The following INO80B variants were observed in gnomAD, a reference collection of about 807,000 sequenced individuals.
The protein encoded by INO80B is INO80 complex subunit B, also known as IES2 homolog.
In INO80B, 18 loss-of-function variants were observed where a neutral mutation model predicts 31.4. That is an observed-to-expected ratio of 0.57 (90% CI 0.40 to 0.85). INO80B has a LOEUF of 0.85. Ranked by LOEUF, INO80B falls within the 40% of genes least tolerant of loss-of-function variation. INO80B has a pLI of 0.00. For synonymous variants in INO80B, 238 were observed against 199.0 expected (o/e 1.20, Z -1.65); for missense variants, 469 against 475.4 (o/e 0.99, Z 0.13).
intron 2 of INO80B, 56 bp from the exon 3 acceptor site, chr2:74,455,762 G>A: frequency 2.8e-6 from 4 of 1,424,424 alleles, no homozygotes; most frequent in South Asian, 1.2e-5. Flanking sequence ...GTGTAGCTAC[G>A]GAGTAGGAGG....
intron 4 of INO80B, among the ~76,000 whole-genome samples, chr2:74,456,639 G>A (rs1047278700): frequency 2.0e-5 from 3 of 152,216 alleles, no homozygotes; most frequent in African/African-American, 7.2e-5. Context: ...CAGACCTTGA[G>A]ACTGGAACAT....
At chr2:74,456,309 A>G (rs755722158) in intron 4 of INO80B, 37 bp downstream of exon 4, 1 of 1,609,534 alleles carries the variant, frequency 6.2e-7, no homozygotes, top group Non-Finnish European at 8.5e-7. Flanking sequence ...CACCAAATGT[A>G]TACAGTATTG....
chr2:74,456,714 C>T (rs1450540662), intron 4 of INO80B, among the ~76,000 whole-genome samples: 1 of 152,234 alleles, frequency 6.6e-6, no homozygotes, highest in African/African-American at 2.4e-5. Flanking sequence ...AAGTGACATA[C>T]TTGGTTTACA....
chr2:74,457,887 C>A lies in INO80B; in HGVS notation c.*23C>A. 1 of 1,508,280 alleles carries A rather than the reference C, an allele frequency of 6.6e-7. No homozygotes were observed. Among genetic ancestry groups the A allele is most frequent in the Non-Finnish European group, 8.8e-7 (1 of 1,134,934 alleles). The allele number at this position is 1,508,280 out of a possible 1,614,324, so 93.4% of individuals were successfully genotyped here. A position where few individuals can be genotyped will look rare whatever the true frequency, so the allele number is the denominator to read the frequency against. On this transcript the variant is annotated 3_prime_UTR_variant, in exon 5 of 5. Coordinates refer to ENST00000233331, the MANE Select transcript of INO80B (RefSeq NM_031288.4). ...TAAGGCCCTTAACCCGGACTCTGCG[C>A]CCCGTCCCATGCCCGCTCTTGAGTA...
chr2:74,456,713 A>G (rs1296519085), intron 4 of INO80B, among the ~76,000 whole-genome samples: 1 of 152,258 alleles, frequency 6.6e-6, no homozygotes, highest in Non-Finnish European at 1.5e-5. Context: ...GAAGTGACAT[A>G]CTTGGTTTAC....
Position 74,457,390 on chromosome 2 carries a change from A to G in INO80B, c.597A>G (p.Val199=), listed in dbSNP as rs2103962691. 1 of 1,607,932 alleles carries G rather than the reference A, an allele frequency of 6.2e-7. No individual in the cohort carries two copies. The highest frequency in any genetic ancestry group is 1.1e-5 in the South Asian group (1 of 89,994). The change falls in exon 5 of 5, where the codon GTA becomes GTG. Residue 199 remains valine (V), a synonymous_variant. Coordinates refer to ENST00000233331, the MANE Select transcript of INO80B (RefSeq NM_031288.4). ...SQPSPMLPLP[V]AEGCPPPALT... ...CTTCCCCTATGCTGCCGCTGCCTGTAGCTGAGGGCTGCCCACCTCCCGCCC... is the reference window on the plus strand; with the variant it reads ...CTTCCCCTATGCTGCCGCTGCCTGTGGCTGAGGGCTGCCCACCTCCCGCCC...
At chr2:74,456,908 G>A (rs1256202489) in intron 4 of INO80B, among the ~76,000 whole-genome samples, 1 of 152,232 alleles carries the variant, frequency 6.6e-6, no homozygotes, top group Non-Finnish European at 1.5e-5. Context: ...TTTGGAAGTA[G>A]ATACTTGTGG....
rs762632945 is a variant in INO80B, at chr2:74,455,577, G to T, written c.230G>T (p.Gly77Val). The change falls in exon 2 of 5, where the codon GGA (glycine) becomes GTA (valine). Residue 77 changes from glycine to valine, a missense_variant. By Grantham distance (109) the Gly-to-Val change is moderately radical. Transcript: ENST00000233331. ...CTCAAACTCAAAATCAAGCTTGGGG[G>T]ACAAGTCCTGGGGACCAAGAGGTGA... ...PQLKLKIKLG[G>V]QVLGTKSVPT... The T allele has an allele frequency of 1.2e-6, 2 of 1,613,142 alleles. No individual in the cohort carries two copies. Among genetic ancestry groups the T allele is most frequent in the African/African-American group, 1.3e-5 (1 of 74,820 alleles).
chr2:74,457,734 G>T lies in INO80B; in HGVS notation c.941G>T (p.Cys314Phe). 6.2e-7 allele frequency: 1 copy of T among 1,600,446 alleles called. No homozygotes were observed. The highest frequency in any genetic ancestry group is 8.5e-7 in the Non-Finnish European group (1 of 1,179,752). ...CCGCCGCGCTGCTCTGTCCCCGGCT[G>T]TCCCCATCCGCGCCGCTACGCTTGC... ...GPPPRCSVPG[C>F]PHPRRYACSR... is the part of the protein sequence containing the mutation. The change falls in exon 5 of 5, where the codon TGT becomes TTT. Residue 314 changes from cysteine (C) to phenylalanine (F), a missense_variant. This residue lies in a region of INO80B where 201 missense variants were observed against 151.7 expected (regional missense o/e 1.32). Transcript: ENST00000233331.
chr2:74,456,325 T>G, intron 4 of INO80B, 53 bp downstream of exon 4: 1 of 1,588,764 alleles, frequency 6.3e-7, no homozygotes, highest in Non-Finnish European at 8.6e-7. Context: ...TATTGAGAAC[T>G]CTCCACGACC....
At chr2:74,457,005 A>T (rs1020333649) in intron 4 of INO80B, among the ~76,000 whole-genome samples, 2 of 152,220 alleles carry the variant, frequency 1.3e-5, no homozygotes, top group African/African-American at 4.8e-5. Context: ...TATTGAGATA[A>T]GATTAAAAAT....
chr2:74,457,404 C>T lies in INO80B; in HGVS notation c.611C>T (p.Pro204Leu). The change falls in exon 5 of 5, where the codon CCA becomes CTA. Residue 204 changes from proline to leucine, a missense_variant. Coordinates refer to ENST00000233331, the MANE Select transcript of INO80B (RefSeq NM_031288.4). ...CCGCTGCCTGTAGCTGAGGGCTGCC[C>T]ACCTCCCGCCCTCACAGAGGAGATG... is the stretch of plus-strand genomic sequence containing the variant. ...MLPLPVAEGC[P>L]PPALTEEMLL... is the part of the protein sequence containing the mutation. 1 of 1,605,082 alleles carries T rather than the reference C, an allele frequency of 6.2e-7. No individual in the cohort carries two copies. Among genetic ancestry groups the T allele is most frequent in the Non-Finnish European group, 8.5e-7 (1 of 1,176,286 alleles).
chr2:74,457,070 A>G (rs1671724230), intron 4 of INO80B, among the ~76,000 whole-genome samples: 1 of 152,222 alleles, frequency 6.6e-6, no homozygotes, highest in African/African-American at 2.4e-5. Flanking sequence ...TCAGGCAGGT[A>G]ACATTACTGA....
chr2:74,455,251 T>C, intron 1 of INO80B, 77 bp downstream of exon 1: 1 of 1,566,710 alleles, frequency 6.4e-7, no homozygotes, highest in South Asian at 1.1e-5. Context: ...GAGTCCAGGG[T>C]ACTTCGGCCA....
chr2:74,457,715 C>A lies in INO80B; in HGVS notation c.922C>A (p.Arg308Ser), dbSNP rs762609659. 6.2e-7 allele frequency: 1 copy of A among 1,600,244 alleles called. No individual in the cohort carries two copies. Among genetic ancestry groups the A allele is most frequent in the East Asian group, 2.2e-5 (1 of 44,834 alleles). Residue 308 changes from arginine (R) to serine (S), a missense_variant, in exon 5 of 5, where the codon CGC becomes AGC. Physicochemically the swap from Arg to Ser is moderately radical, Grantham distance 110. Transcript: ENST00000233331. ...QRPSPSGPPP[R>S]CSVPGCPHPR... ...GCCATCCCCCTCAGGCCCGCCGCCG[C>A]GCTGCTCTGTCCCCGGCTGTCCCCA...
rs754274196 is a variant in INO80B, at chr2:74,455,612, G to T, written c.251+14G>T. 2 of 1,589,762 alleles carry T rather than the reference G, an allele frequency of 1.3e-6. No homozygotes were observed. Among genetic ancestry groups the T allele is most frequent in the African/African-American group, 1.4e-5 (1 of 73,214 alleles). On this transcript the variant is annotated intron_variant, in intron 2 of 4. Coordinates refer to ENST00000233331, the MANE Select transcript of INO80B (RefSeq NM_031288.4). ...GGGGACCAAGAGGTGAGGCCAAGAG[G>T]GTCATAGTTTTATAAGGGGAACTTT...
rs765725635 is a variant in INO80B at position 74,455,968 on chromosome 2, C to T, written c.370+32C>T. 6.4e-6 allele frequency: 10 copies of T among 1,561,674 alleles called. No individual in the cohort carries two copies. The East Asian group carries it at 2.0e-4, about 32-fold the overall frequency. ...ATCTGGAGGTGGGGAAACTGGGTTT[C>T]TTATTATACCCGCCTAAAGAAAGAA... On this transcript the variant is annotated intron_variant, in intron 3 of 4. Transcript: ENST00000233331.
intron 2 of INO80B, 92 bp from the exon 3 acceptor site, chr2:74,455,726 G>A (rs1356633985): frequency 2.9e-6 from 4 of 1,392,030 alleles, no homozygotes; most frequent in Non-Finnish European, 4.0e-6. Flanking sequence ...TAGGCAGCAA[G>A]AGTCTAAGAG....
At chr2:74,456,411 C>A in intron 4 of INO80B, 139 bp downstream of exon 4, 1 of 767,352 alleles carries the variant, frequency 1.3e-6, no homozygotes, top group Non-Finnish European at 2.1e-6. Flanking sequence ...AGCTAGTATT[C>A]TAGTGTGTGT....
Sources: allele counts gnomAD v4.1 joint callset (sites outside exome capture counted in the v4.1 genomes callset), GRCh38; gene constraint gnomAD v4.1.1; regional missense constraint gnomAD v4.1.1; transcripts MANE v1.5; gene names NCBI Gene and HGNC (gene_info 2026-07-23, HGNC 2026-07-21).